Variants in SGCZ observed in about 807,000 individuals in gnomAD.
SGCZ encodes zeta-sarcoglycan.
Under a neutral mutation model 41.3 loss-of-function variants are expected in SGCZ, and 40 were observed. The ratio of observed to expected loss-of-function variants is 0.97; its 90% CI spans 0.75 to 1.26. SGCZ has a LOEUF of 1.26. Ranked by LOEUF, SGCZ falls within the 50% of genes most tolerant of loss-of-function variation. The probability of loss-of-function intolerance (pLI) is 0.00; values close to 1 mark genes in which losing one functional copy is unlikely to be tolerated. For synonymous variants in SGCZ, 206 were observed against 137.5 expected, an observed-to-expected ratio of 1.50 and a Z score of -3.49; for missense variants, 552 against 369.8, an observed-to-expected ratio of 1.49 and a Z score of -4.04.
At chr8:15,150,432 T>G (rs770987272) in intron 1 of SGCZ, among the ~76,000 whole-genome samples, 1 of 152,228 alleles carries the variant, frequency 6.6e-6, no homozygotes, top group East Asian at 1.9e-4. Flanking sequence ...CCTGGGGCCA[T>G]AGACCCTGCT....
chr8:14,248,279 T>C (rs546009951), intron 3 of SGCZ, among the ~76,000 whole-genome samples: 1 of 152,294 alleles, frequency 6.6e-6, no homozygotes, highest in Non-Finnish European at 1.5e-5. Context: ...ATGAGTTACA[T>C]AAAAAGCTTG....
At chr8:14,947,912 T>C (rs183896001) in intron 1 of SGCZ, among the ~76,000 whole-genome samples, 8 of 152,294 alleles carry the variant, frequency 5.3e-5, no homozygotes, top group Non-Finnish European at 1.2e-4. Flanking sequence ...AATCTGATGA[T>C]GTGAGTTGAT....
At chr8:14,919,039 G>A (rs1799516258) in intron 1 of SGCZ, among the ~76,000 whole-genome samples, 1 of 152,092 alleles carries the variant, frequency 6.6e-6, no homozygotes, top group African/African-American at 2.4e-5. Flanking sequence ...CATGTCAGTG[G>A]AGATAATAGC....
intron 3 of SGCZ, among the ~76,000 whole-genome samples, chr8:14,321,834 A>C (rs1484226946): frequency 2.0e-5 from 3 of 152,240 alleles, no homozygotes; most frequent in Admixed American, 2.0e-4. Flanking sequence ...AGAATTTTTA[A>C]AATTAAAAAC....
chr8:14,314,363 T>C (rs1456820962), intron 3 of SGCZ, among the ~76,000 whole-genome samples: 1 of 152,104 alleles, frequency 6.6e-6, no homozygotes, highest in Non-Finnish European at 1.5e-5. Flanking sequence ...CAGTCCAGCA[T>C]TCAACCAATA....
chr8:15,097,800 G>GTA (rs10524070), intron 1 of SGCZ, among the ~76,000 whole-genome samples: 6 of 125,010 alleles, frequency 4.8e-5, no homozygotes, highest in African/African-American at 6.6e-5. Flanking sequence ...ATATATACGT[G>GTA]TATATATATA....
chr8:14,919,998 G>A (rs1005631800), intron 1 of SGCZ, among the ~76,000 whole-genome samples: 4 of 152,078 alleles, frequency 2.6e-5, no homozygotes, highest in African/African-American at 9.7e-5. Flanking sequence ...TTGCATGCAG[G>A]CTCACCATAC....
At chr8:14,902,380 G>C (rs940896171) in intron 1 of SGCZ, among the ~76,000 whole-genome samples, 1 of 152,138 alleles carries the variant, frequency 6.6e-6, no homozygotes, top group African/African-American at 2.4e-5. Flanking sequence ...GACTTGGTCA[G>C]AGTGATCTCT....
chr8:14,520,994 T>G (rs2117100346), intron 2 of SGCZ, among the ~76,000 whole-genome samples: 1 of 152,230 alleles, frequency 6.6e-6, no homozygotes, highest in African/African-American at 2.4e-5. Flanking sequence ...TAATTACAAT[T>G]TTTGTTTTGA....
At chr8:15,210,315 T>C (rs1563185659) in intron 1 of SGCZ, among the ~76,000 whole-genome samples, 1 of 152,162 alleles carries the variant, frequency 6.6e-6, no homozygotes, top group Non-Finnish European at 1.5e-5. Context: ...GCTGATACTG[T>C]CTTTATGATA....
At chr8:15,141,409 G>T (rs936766487) in intron 1 of SGCZ, among the ~76,000 whole-genome samples, 13 of 152,258 alleles carry the variant, frequency 8.5e-5, no homozygotes, top group African/African-American at 2.7e-4. Flanking sequence ...ATGTCCTGGA[G>T]TTTGGGAGCA....
intron 4 of SGCZ, among the ~76,000 whole-genome samples, chr8:14,214,481 A>C (rs1385147095): frequency 6.6e-6 from 1 of 152,172 alleles, no homozygotes; most frequent in African/African-American, 2.4e-5. Flanking sequence ...ACACCAATAT[A>C]AAATGTTAAT....
intron 1 of SGCZ, among the ~76,000 whole-genome samples, chr8:14,918,557 TA>T (rs1799504593): frequency 6.6e-6 from 1 of 152,212 alleles, no homozygotes; most frequent in East Asian, 1.9e-4. Flanking sequence ...TATTTGAGTG[TA>T]AACAAACAAA....
At chr8:14,724,229 C>A (rs1296392569) in intron 1 of SGCZ, among the ~76,000 whole-genome samples, 3 of 151,786 alleles carry the variant, frequency 2.0e-5, no homozygotes, top group Admixed American at 6.6e-5. Flanking sequence ...AGGCAAGGGA[C>A]TGGAAACAAT....
chr8:14,594,835 T>C (rs1375713354), intron 1 of SGCZ, among the ~76,000 whole-genome samples: 1 of 151,554 alleles, frequency 6.6e-6, no homozygotes, highest in Admixed American at 6.6e-5. Flanking sequence ...TAAGACGTTT[T>C]CCTTAAAAAT....
At chr8:14,555,420 TG>T (rs1182212768) in intron 1 of SGCZ, among the ~76,000 whole-genome samples, 1 of 151,946 alleles carries the variant, frequency 6.6e-6, no homozygotes, top group East Asian at 1.9e-4. Flanking sequence ...CGTGGTTAAG[TG>T]GGTGGCACCT....
chr8:14,573,189 CTTTTTTTTTTTTT>C (rs35000758), intron 1 of SGCZ, among the ~76,000 whole-genome samples: 4 of 76,492 alleles, frequency 5.2e-5, no homozygotes, highest in East Asian at 4.4e-4. Flanking sequence ...CTTAGCAAGT[CTTTTTTTTTTTTT>C]TTTTTTTTTT....
At chr8:14,582,207 A>G (rs988606654) in intron 1 of SGCZ, among the ~76,000 whole-genome samples, 1 of 152,172 alleles carries the variant, frequency 6.6e-6, no homozygotes, top group Non-Finnish European at 1.5e-5. Context: ...TATTGATAAC[A>G]TAAGCAGTCG....
At chr8:14,145,751 A>G (rs1035723136) in intron 5 of SGCZ, among the ~76,000 whole-genome samples, 3 of 152,192 alleles carry the variant, frequency 2.0e-5, no homozygotes, top group Non-Finnish European at 4.4e-5. Context: ...TATCAAAGAG[A>G]TTGAAATAAT....
Sources: allele counts gnomAD v4.1 joint callset (sites outside exome capture counted in the v4.1 genomes callset), GRCh38; gene constraint gnomAD v4.1.1; transcripts MANE v1.5; gene names NCBI Gene and HGNC (gene_info 2026-07-23, HGNC 2026-07-21).